MYO3B: variants seen among roughly 807,000 people sequenced by gnomAD.
MYO3B encodes myosin-IIIb.
A neutral mutation model predicts 174.6 loss-of-function variants in MYO3B; 156 were observed. That is an observed-to-expected ratio of 0.89 (90% CI 0.78 to 1.02). The LOEUF (loss-of-function observed/expected upper bound fraction) is 1.02. Ranked by LOEUF, MYO3B falls within the 50% of genes least tolerant of loss-of-function variation. MYO3B has a pLI of 0.00. For synonymous variants in MYO3B, 563 were observed against 569.1 expected, an observed-to-expected ratio of 0.99 and a Z score of 0.15; for missense variants, 1,632 against 1,639.4, an observed-to-expected ratio of 1.00 and a Z score of 0.08.
At position 170,196,904 on chromosome 2, in the gene MYO3B, C is replaced by G. The variant is rs182945349; in HGVS notation, c.3-2304C>G. Among the ~76,000 whole-genome samples, 44 of 152,186 alleles carry G rather than the reference C, an allele frequency of 2.9e-4. 1 individual carries two copies. Among genetic ancestry groups the G allele is most frequent in the African/African-American group, 1.0e-3 (42 of 41,536 alleles). ...GAATTCTGCTAAGGTGTAGATATAC[C>G]TGATTGGTAGCCATTGTTTCAGAGG... On this transcript the variant is annotated intron_variant, in intron 1 of 34. Coordinates refer to ENST00000408978, the MANE Select transcript of MYO3B (RefSeq NM_138995.5).
intron 21 of MYO3B, 33 bp downstream of exon 21, chr2:170,405,666 T>C: frequency 3.1e-6 from 5 of 1,590,800 alleles, no homozygotes; most frequent in Non-Finnish European, 3.4e-6. Flanking sequence ...TAGACCTGAA[T>C]TTGGCAAAGG....
intron 29 of MYO3B, among the ~76,000 whole-genome samples, chr2:170,517,072 C>T (rs9967878): frequency 0.11 from 16,170 of 152,156 alleles, 1,000 homozygotes; most frequent in Admixed American, 0.19. Context: ...TTGACAATTT[C>T]GGATGCTGCC....
At chr2:170,341,707 A>G (rs960524120) in intron 8 of MYO3B, among the ~76,000 whole-genome samples, 10 of 152,204 alleles carry the variant, frequency 6.6e-5, no homozygotes, top group African/African-American at 2.4e-4. Context: ...ATTGATCAAT[A>G]TACTTATAAA....
chr2:170,307,452 G>A (rs1170183736), intron 7 of MYO3B, among the ~76,000 whole-genome samples: 1 of 152,098 alleles, frequency 6.6e-6, no homozygotes, highest in Non-Finnish European at 1.5e-5. Context: ...TATTCTCAAT[G>A]CTACCTTTCT....
chr2:170,505,437 A>G (rs1038853820), intron 28 of MYO3B, among the ~76,000 whole-genome samples: 3 of 152,216 alleles, frequency 2.0e-5, no homozygotes, highest in Admixed American at 2.0e-4. Flanking sequence ...AAAATTGTAC[A>G]TATTAGTGTT....
intron 7 of MYO3B, among the ~76,000 whole-genome samples, chr2:170,282,761 G>A (rs1399619303): frequency 6.6e-6 from 1 of 152,110 alleles, no homozygotes; most frequent in Non-Finnish European, 1.5e-5. Flanking sequence ...TAGAGTGGGT[G>A]CAGTAGCAGT....
intron 7 of MYO3B, among the ~76,000 whole-genome samples, chr2:170,298,410 C>A (rs1240902960): frequency 1.3e-5 from 2 of 152,246 alleles, no homozygotes; most frequent in Non-Finnish European, 2.9e-5. Context: ...GGTGCAGTGG[C>A]TCATGCCTGT....
intron 30 of MYO3B, among the ~76,000 whole-genome samples, chr2:170,539,081 C>T (rs1356838390): frequency 2.0e-5 from 3 of 152,160 alleles, no homozygotes; most frequent in Non-Finnish European, 4.4e-5. Flanking sequence ...TTTATCCAGG[C>T]CAGGATCCGA....
rs79866401 is a variant in MYO3B, at chr2:170,546,720, T to A, written c.3733+2732T>A. Among the ~76,000 whole-genome samples, 607 of 152,338 alleles carry A rather than the reference T, an allele frequency of 4.0e-3. 7 individuals carry two copies. The highest frequency in any genetic ancestry group is 2.5e-3 in the Non-Finnish European group (167 of 68,036). On this transcript the variant is annotated intron_variant, in intron 32 of 34. Transcript: ENST00000408978. ...AGAATATATTATTTAAGCAACATTT[T>A]TAGCAAATTATACCTTTGTGTTTCA...
chr2:170,391,715 C>T (rs2094413367), intron 15 of MYO3B, 97 bp downstream of exon 15: 1 of 720,758 alleles, frequency 1.4e-6, no homozygotes, highest in Non-Finnish European at 2.3e-6. Flanking sequence ...TAACTGGAAA[C>T]TCACAGTCTA....
At chr2:170,566,077 A>G (rs1449713096) in intron 32 of MYO3B, among the ~76,000 whole-genome samples, 3 of 152,226 alleles carry the variant, frequency 2.0e-5, no homozygotes, top group Non-Finnish European at 4.4e-5. Flanking sequence ...TAGTCTTCAT[A>G]TCAGTAGGTT....
rs1228292734 is a variant in MYO3B at position 170,222,669 on chromosome 2, C to A, written c.603+5274C>A. Among the ~76,000 whole-genome samples, 8 of 152,316 alleles carry A rather than the reference C, an allele frequency of 5.3e-5. No homozygotes were observed. The East Asian group carries it at 1.5e-3, about 29-fold the overall frequency. On this transcript the variant is annotated intron_variant, in intron 6 of 34. Coordinates refer to ENST00000408978, the MANE Select transcript of MYO3B (RefSeq NM_138995.5). ...AGAGGCCCACCCTACTCCAGTATGA[C>A]CTCATCTGAATTCAACTAATTGTAT...
chr2:170,335,234 A>T, intron 7 of MYO3B, 151 bp from the exon 8 acceptor site: 1 of 646,288 alleles, frequency 1.5e-6, no homozygotes, highest in Non-Finnish European at 2.7e-6. Flanking sequence ...AAGGGTTGGC[A>T]CTTTATAATC....
chr2:170,383,912 G>GT, intron 12 of MYO3B, 98 bp downstream of exon 12: 3 of 996,658 alleles, frequency 3.0e-6, no homozygotes, highest in Non-Finnish European at 4.7e-6. Context: ...TTCCATTCCG[G>GT]TTGCTGGTGC....
At chr2:170,300,142 G>T (rs910966069) in intron 7 of MYO3B, among the ~76,000 whole-genome samples, 1 of 137,268 alleles carries the variant, frequency 7.3e-6, no homozygotes, top group Non-Finnish European at 1.7e-5. Context: ...TCTTCTTTGG[G>T]CACAGGGTAG....
intron 30 of MYO3B, among the ~76,000 whole-genome samples, chr2:170,539,404 A>C (rs542118498): frequency 1.3e-5 from 2 of 152,352 alleles, no homozygotes; most frequent in African/African-American, 4.8e-5. Flanking sequence ...GCCTCACATT[A>C]CAAGACAATG....
At chr2:170,652,715 C>T (rs1280094398) in intron 34 of MYO3B, among the ~76,000 whole-genome samples, 1 of 152,152 alleles carries the variant, frequency 6.6e-6, no homozygotes, top group Non-Finnish European at 1.5e-5. Context: ...AGTTCAATCC[C>T]ATAAAGCAAG....
chr2:170,584,047 A>G (rs573848411), intron 32 of MYO3B, among the ~76,000 whole-genome samples: 26 of 152,364 alleles, frequency 1.7e-4, no homozygotes, highest in African/African-American at 6.3e-4. Context: ...CATTTACACA[A>G]TGCCAAACTA....
intron 7 of MYO3B, among the ~76,000 whole-genome samples, chr2:170,288,621 G>A (rs573489031): frequency 1.3e-5 from 2 of 152,024 alleles, no homozygotes; most frequent in South Asian, 2.1e-4. Context: ...TTTTTTGGTG[G>A]AATCTTTAGG....
Sources: allele counts gnomAD v4.1 joint callset (sites outside exome capture counted in the v4.1 genomes callset), GRCh38; gene constraint gnomAD v4.1.1; transcripts MANE v1.5; gene names NCBI Gene and HGNC (gene_info 2026-07-23, HGNC 2026-07-21).